Variants in PSMA1 observed in about 807,000 individuals in gnomAD.
The protein encoded by PSMA1 is proteasome subunit alpha type-1.
A neutral mutation model predicts 38.4 loss-of-function variants in PSMA1; 3 were observed. The ratio of observed to expected loss-of-function variants is 0.08; its 90% CI spans 0.04 to 0.20. The LOEUF is 0.20. Among genes scored for constraint, PSMA1 ranks in the 10% least tolerant of loss-of-function variants. PSMA1 has a pLI of 1.00. For synonymous variants in PSMA1, 101 were observed against 107.1 expected, an observed-to-expected ratio of 0.94 and a Z score of 0.35; for missense variants, 227 against 325.3, an observed-to-expected ratio of 0.70 and a Z score of 2.32.
At chr11:14,640,698 C>G (rs933437631) in intron 1 of PSMA1, among the ~76,000 whole-genome samples, 6 of 152,120 alleles carry the variant, frequency 3.9e-5, no homozygotes. Context: ...ATGATCCTTT[C>G]TATGCTAGAG....
upstream of PSMA1, among the ~76,000 whole-genome samples, chr11:14,523,941 G>T (rs1208074383): frequency 1.3e-5 from 2 of 151,540 alleles, no homozygotes; most frequent in Non-Finnish European, 2.9e-5. Context: ...AAGATATTTT[G>T]TAGGAAGACT....
upstream of PSMA1, among the ~76,000 whole-genome samples, chr11:14,521,334 T>TAAAAA (rs3053227): frequency 1.2e-4 from 17 of 144,168 alleles, no homozygotes; most frequent in Admixed American, 2.7e-4. Flanking sequence ...ATAAGAATAA[T>TAAAAA]AAAAAAAAAA....
chr11:14,526,863 G>A (rs1436937449), intron 2 of PSMA1, among the ~76,000 whole-genome samples: 1 of 152,098 alleles, frequency 6.6e-6, no homozygotes, highest in East Asian at 1.9e-4. Context: ...GCAAAGGCAG[G>A]CTATGCTATA....
At chr11:14,536,177 C>G (rs750068591) in intron 2 of PSMA1, among the ~76,000 whole-genome samples, 21 of 152,150 alleles carry the variant, frequency 1.4e-4, no homozygotes, top group Non-Finnish European at 1.5e-4. Context: ...AGCATTATTA[C>G]TAACAATAAT....
At chr11:14,563,900 A>G (rs748514052) in intron 2 of PSMA1, among the ~76,000 whole-genome samples, 6 of 152,200 alleles carry the variant, frequency 3.9e-5, no homozygotes, top group Non-Finnish European at 7.3e-5. Flanking sequence ...ATAATCAATG[A>G]TTAAATTTAA....
intron 1 of PSMA1, among the ~76,000 whole-genome samples, chr11:14,642,982 C>G (rs1853236876): frequency 6.6e-6 from 1 of 152,096 alleles, no homozygotes; most frequent in Non-Finnish European, 1.5e-5. Flanking sequence ...GACAGCAAAT[C>G]TGTGCTGTGT....
chr11:14,587,911 G>A (rs1375407373), intron 2 of PSMA1, among the ~76,000 whole-genome samples: 1 of 152,032 alleles, frequency 6.6e-6, no homozygotes, highest in Admixed American at 6.6e-5. Flanking sequence ...TTTACCTAAA[G>A]GTGTTTATCA....
At position 14,537,360 on chromosome 11, in the gene PSMA1, C is replaced by A. The variant is rs534265088; in HGVS notation, c.22-18319G>T. Among the ~76,000 whole-genome samples, 71 of 152,216 alleles carry A rather than the reference C, an allele frequency of 4.7e-4. 1 individual carries two copies. Among genetic ancestry groups the A allele is most frequent in the Non-Finnish European group, 8.8e-4 (60 of 68,008 alleles). On this transcript the variant is annotated intron_variant, in intron 2 of 10. Transcript: ENST00000418988. ...CCTTAAGGATAATATTCTTTTATTC[C>A]TGTTTTGTCCAAGTGAATTTACATT...
At chr11:14,642,515 A>G (rs955397404) in intron 1 of PSMA1, among the ~76,000 whole-genome samples, 7 of 152,220 alleles carry the variant, frequency 4.6e-5, no homozygotes, top group African/African-American at 1.7e-4. Context: ...GTGAACTATG[A>G]CCATATACGA....
intron 1 of PSMA1, among the ~76,000 whole-genome samples, chr11:14,617,240 A>G (rs1463769321): frequency 6.6e-6 from 1 of 152,218 alleles, no homozygotes; most frequent in Admixed American, 6.5e-5. Flanking sequence ...CACTAGTGGA[A>G]TCTTCTCCAT....
At chr11:14,608,200 A>C (rs1852665929) in intron 2 of PSMA1, among the ~76,000 whole-genome samples, 1 of 152,040 alleles carries the variant, frequency 6.6e-6, no homozygotes. Flanking sequence ...AAAATTTAAA[A>C]ATTGGCCAAG....
intron 2 of PSMA1, among the ~76,000 whole-genome samples, chr11:14,537,200 C>G (rs911347951): frequency 6.6e-6 from 1 of 152,108 alleles, no homozygotes; most frequent in African/African-American, 2.4e-5. Context: ...CAGTGGCAAA[C>G]TAAGTGCGCA....
intron 2 of PSMA1, among the ~76,000 whole-genome samples, chr11:14,557,523 T>G (rs900474462): frequency 1.3e-5 from 2 of 152,242 alleles, no homozygotes; most frequent in Non-Finnish European, 2.9e-5. Context: ...ATTACAGGCG[T>G]GAGCCAACGT....
chr11:14,530,380 T>A (rs1276797392), intron 2 of PSMA1, among the ~76,000 whole-genome samples: 1 of 152,192 alleles, frequency 6.6e-6, no homozygotes, highest in Admixed American at 6.5e-5. Flanking sequence ...TTTTCCACTT[T>A]ATTATAAAAT....
chr11:14,548,404 C>G (rs1386799138), intron 2 of PSMA1, among the ~76,000 whole-genome samples: 1 of 152,046 alleles, frequency 6.6e-6, no homozygotes, highest in African/African-American at 2.4e-5. Context: ...GTATACACAC[C>G]TGTACACACA....
intron 1 of PSMA1, among the ~76,000 whole-genome samples, chr11:14,630,965 A>G (rs1852997236): frequency 6.6e-6 from 1 of 152,202 alleles, no homozygotes; most frequent in Non-Finnish European, 1.5e-5. Flanking sequence ...AGGTGTTTGT[A>G]GTATTCCCTG....
At chr11:14,551,695 T>A (rs1851887348) in intron 2 of PSMA1, among the ~76,000 whole-genome samples, 1 of 152,212 alleles carries the variant, frequency 6.6e-6, no homozygotes, top group African/African-American at 2.4e-5. Flanking sequence ...TCTGATAACC[T>A]GATCCCTTTA....
intron 1 of PSMA1, among the ~76,000 whole-genome samples, chr11:14,641,323 C>G (rs978968980): frequency 1.3e-5 from 2 of 151,844 alleles, no homozygotes; most frequent in Non-Finnish European, 2.9e-5. Context: ...ACCTAAAGAA[C>G]TAAGTAATTT....
Position 14,599,460 on chromosome 11 carries a change from C to CT in PSMA1, c.21+11505dup, listed in dbSNP as rs1852549918. Among the ~76,000 whole-genome samples, 5 of 152,244 alleles carry CT rather than the reference C, an allele frequency of 3.3e-5. No individual in the cohort carries two copies. The South Asian group carries it at 1.0e-3, about 32-fold the overall frequency. On this transcript the variant is annotated intron_variant, in intron 2 of 10. Coordinates refer to the PSMA1 transcript ENST00000418988. ...TTCTTTTTACTCTTTTTTCTCTAATCTTGTTTTCTCACTTTATTTCATTAA... is the reference window on the plus strand; with the variant it reads ...TTCTTTTTACTCTTTTTTCTCTAATCTTTGTTTTCTCACTTTATTTCATTAA...
Sources: allele counts gnomAD v4.1 joint callset (sites outside exome capture counted in the v4.1 genomes callset), GRCh38; gene constraint gnomAD v4.1.1; transcripts MANE v1.5; gene names NCBI Gene and HGNC (gene_info 2026-07-23, HGNC 2026-07-21).